CEP85L: variants seen among roughly 807,000 people sequenced by gnomAD.
CEP85L encodes centrosomal protein of 85 kDa-like.
A neutral mutation model predicts 100.3 loss-of-function variants in CEP85L; 60 were observed. That is an observed-to-expected ratio of 0.60 (90% CI 0.49 to 0.74). CEP85L has a LOEUF of 0.74. Among genes scored for constraint, CEP85L ranks in the 30% least tolerant of loss-of-function variants. The probability of loss-of-function intolerance (pLI) is 0.00; values close to 1 mark genes in which losing one functional copy is unlikely to be tolerated. For synonymous variants in CEP85L, 319 were observed against 322.7 expected (o/e 0.99, Z 0.12); for missense variants, 973 against 936.2 (o/e 1.04, Z -0.51).
intron 2 of CEP85L, among the ~76,000 whole-genome samples, chr6:118,582,127 T>TC (rs1430119968): frequency 5.3e-5 from 8 of 152,038 alleles, no homozygotes; most frequent in African/African-American, 1.9e-4. Context: ...ATCCTTCCAG[T>TC]CCCCCTCCAA....
intron 3 of CEP85L, among the ~76,000 whole-genome samples, chr6:118,563,639 C>T (rs753766982): frequency 6.6e-5 from 10 of 152,084 alleles, no homozygotes; most frequent in East Asian, 1.9e-4. Context: ...TTTTTAGAGA[C>T]GGGGTCTGGC....
At position 118,658,736 on chromosome 6, in the gene CEP85L, A is replaced by G. The variant is rs527371157; in HGVS notation, c.-27-5928T>C. Among the ~76,000 whole-genome samples, 7 of 152,310 alleles carry G rather than the reference A, an allele frequency of 4.6e-5. No individual in the cohort carries two copies. In the South Asian group the frequency reaches 1.4e-3, roughly 32 times the overall value. ...TAAATCAGTATATTTAATAAGTGTT[A>G]TAAGTAAATTAATAAATATTTTAAG... On this transcript the variant is annotated intron_variant, in intron 1 of 13. Coordinates refer to the CEP85L transcript ENST00000368488.
intron 2 of CEP85L, among the ~76,000 whole-genome samples, chr6:118,628,616 C>A (rs984604448): frequency 2.7e-5 from 4 of 148,182 alleles, no homozygotes; most frequent in African/African-American, 7.5e-5. Context: ...GCCTGGGCAA[C>A]AGAGCAAGAC....
intron 1 of CEP85L, among the ~76,000 whole-genome samples, chr6:118,658,076 G>A (rs1397871917): frequency 3.3e-5 from 5 of 152,082 alleles, no homozygotes; most frequent in African/African-American, 1.2e-4. Flanking sequence ...AATCCCTAGA[G>A]GAATCTGAGC....
At chr6:118,661,004 G>T (rs1775956858) in intron 1 of CEP85L, among the ~76,000 whole-genome samples, 1 of 151,866 alleles carries the variant, frequency 6.6e-6, no homozygotes, top group African/African-American at 2.4e-5. Context: ...TCCTGCCTCA[G>T]CCTCCCCAGT....
At chr6:118,606,737 G>T (rs775231595) in intron 2 of CEP85L, among the ~76,000 whole-genome samples, 4 of 152,172 alleles carry the variant, frequency 2.6e-5, no homozygotes, top group Non-Finnish European at 4.4e-5. Flanking sequence ...TGAAAAGCGG[G>T]CTTACAGGTG....
chr6:118,652,419 T>C, upstream of CEP85L: 1 of 1,138,050 alleles, frequency 8.8e-7, no homozygotes, highest in Middle Eastern at 3.9e-4. Flanking sequence ...ACTGGCAATA[T>C]GGTGATGCTT....
chr6:118,576,104 A>C (rs560335348), intron 2 of CEP85L, among the ~76,000 whole-genome samples: 1 of 152,302 alleles, frequency 6.6e-6, no homozygotes, highest in South Asian at 2.1e-4. Flanking sequence ...TAGAAAAAAA[A>C]ATGAACCAAA....
At chr6:118,481,564 TCA>T (rs1489244808) in intron 8 of CEP85L, among the ~76,000 whole-genome samples, 1 of 152,056 alleles carries the variant, frequency 6.6e-6, no homozygotes, top group Non-Finnish European at 1.5e-5. Context: ...TTAGAAATGC[TCA>T]GTGGGTAAAT....
chr6:118,652,865 T>TAA, upstream of CEP85L: 1 of 746,252 alleles, frequency 1.3e-6, no homozygotes, highest in Non-Finnish European at 2.2e-6. Context: ...TCCTTTTTAT[T>TAA]ATTTTAATGT....
intron 1 of CEP85L, among the ~76,000 whole-genome samples, chr6:118,680,313 T>C (rs1226179951): frequency 4.2e-5 from 2 of 47,318 alleles, no homozygotes; most frequent in African/African-American, 1.2e-4. Flanking sequence ...TTGCTTTTTT[T>C]TTTTTTTTTT....
intron 2 of CEP85L, among the ~76,000 whole-genome samples, chr6:118,623,200 A>G (rs1367103738): frequency 1.3e-5 from 2 of 152,212 alleles, no homozygotes; most frequent in Non-Finnish European, 2.9e-5. Context: ...GATGTGCCAA[A>G]GAAATAATCC....
intron 6 of CEP85L, chr6:118,491,402 A>T: frequency 1.0e-6 from 1 of 975,482 alleles, no homozygotes; most frequent in Non-Finnish European, 1.3e-6. Context: ...ATGAAATCAT[A>T]GACTCAATAA....
intron 2 of CEP85L, among the ~76,000 whole-genome samples, chr6:118,569,657 G>C (rs184871960): frequency 2.0e-5 from 3 of 151,722 alleles, no homozygotes; most frequent in African/African-American, 7.2e-5. Context: ...ATACACAGAA[G>C]AATTCCTGGC....
At chr6:118,544,267 G>A (rs1410750634) in intron 3 of CEP85L, among the ~76,000 whole-genome samples, 2 of 152,128 alleles carry the variant, frequency 1.3e-5, no homozygotes, top group African/African-American at 4.8e-5. Flanking sequence ...GGTTTTTGTT[G>A]TTAAATTTGT....
At chr6:118,538,394 A>G (rs954206865) in intron 3 of CEP85L, among the ~76,000 whole-genome samples, 3 of 151,958 alleles carry the variant, frequency 2.0e-5, no homozygotes, top group Admixed American at 6.6e-5. Context: ...AAAGAAACTG[A>G]TGATATAAAT....
At chr6:118,542,494 T>C (rs914484778) in intron 3 of CEP85L, among the ~76,000 whole-genome samples, 7 of 152,090 alleles carry the variant, frequency 4.6e-5, no homozygotes, top group Admixed American at 3.3e-4. Context: ...TTCAAGCTAG[T>C]TTAGTATAAT....
Position 118,561,641 on chromosome 6 carries a change from TTAA to T in CEP85L, c.1020+3885_1020+3887del, listed in dbSNP as rs1310078434. Reference sequence around the variant, plus strand: ...AATGCTTAATGTTGCCTTTTATATTTTAATTGGTTAAGAATATATATTTGTTTA... The same window carrying T: ...AATGCTTAATGTTGCCTTTTATATTTTTGGTTAAGAATATATATTTGTTTA... On this transcript the variant is annotated intron_variant, in intron 3 of 12. Transcript: ENST00000368491. 2.0e-5 allele frequency among the ~76,000 whole-genome samples: 3 copies of T among 152,128 alleles called. No homozygotes were observed. The East Asian group carries it at 5.8e-4, about 29-fold the overall frequency.
chr6:118,696,975 A>G (rs1000790915), intron 1 of CEP85L, among the ~76,000 whole-genome samples: 1 of 152,228 alleles, frequency 6.6e-6, no homozygotes, highest in Non-Finnish European at 1.5e-5. Context: ...ATCTAAAGGC[A>G]GAAAAGGGGA....
Sources: gnomAD v4.1 joint callset for allele counts (sites outside exome capture counted in the v4.1 genomes callset) on GRCh38, gnomAD v4.1.1 for gene constraint, MANE v1.5 for transcripts, NCBI Gene and HGNC (gene_info 2026-07-23, HGNC 2026-07-21) for gene names.